The following MRPS6 variants were observed in gnomAD, a reference collection of about 807,000 sequenced individuals.
The protein encoded by MRPS6 is mitochondrial ribosomal protein S6, also known as small ribosomal subunit protein bS6m.
A neutral mutation model predicts 13.1 loss-of-function variants in MRPS6; 6 were observed. That is an observed-to-expected ratio of 0.46 (90% CI 0.25 to 0.91). MRPS6 has a LOEUF of 0.91. Among genes scored for constraint, MRPS6 ranks in the 40% least tolerant of loss-of-function variants. MRPS6 has a pLI of 0.18. For synonymous variants in MRPS6, 61 were observed against 56.5 expected (o/e 1.08, Z -0.36); for missense variants, 164 against 155.6 (o/e 1.05, Z -0.29).
At chr21:34,093,237 GA>G (rs1366905330) in intron 1 of MRPS6, among the ~76,000 whole-genome samples, 55 of 147,046 alleles carry the variant, frequency 3.7e-4, no homozygotes, top group African/African-American at 1.3e-3. Context: ...CAACTTTTAA[GA>G]TTTTTTTTTT....
chr21:34,112,116 C>G (rs1416169797), intron 1 of MRPS6, among the ~76,000 whole-genome samples: 2 of 152,118 alleles, frequency 1.3e-5, no homozygotes, highest in African/African-American at 4.8e-5. Flanking sequence ...CAGTGAAGAT[C>G]TTTTAAATTT....
At chr21:34,130,723 G>C (rs1007826205) in intron 2 of MRPS6, among the ~76,000 whole-genome samples, 1 of 152,188 alleles carries the variant, frequency 6.6e-6, no homozygotes, top group African/African-American at 2.4e-5. Flanking sequence ...TATCTGCAGT[G>C]AGAAATGCAT....
intron 1 of MRPS6, among the ~76,000 whole-genome samples, chr21:34,108,763 C>A (rs1007310476): frequency 1.3e-5 from 2 of 152,204 alleles, no homozygotes; most frequent in African/African-American, 4.8e-5. Flanking sequence ...AAAGCACTTT[C>A]CTTCAGAAAT....
At chr21:34,116,274 C>G (rs1365771190) in intron 1 of MRPS6, among the ~76,000 whole-genome samples, 1 of 148,838 alleles carries the variant, frequency 6.7e-6, no homozygotes, top group East Asian at 2.0e-4. Flanking sequence ...TCTCGAACTC[C>G]TGGGCTCAAG....
chr21:34,102,592 G>A, intron 1 of MRPS6: 2 of 1,000,084 alleles, frequency 2.0e-6, no homozygotes, highest in Non-Finnish European at 2.4e-6. Flanking sequence ...TGAGGCTATT[G>A]ACTTAAACCA....
chr21:34,093,238 AT>A (rs761174952), intron 1 of MRPS6, among the ~76,000 whole-genome samples: 3,055 of 130,032 alleles, frequency 0.023, 44 homozygotes, highest in South Asian at 0.08. Context: ...AACTTTTAAG[AT>A]TTTTTTTTTT....
At chr21:34,110,478 G>A (rs970042546) in intron 1 of MRPS6, among the ~76,000 whole-genome samples, 1 of 150,934 alleles carries the variant, frequency 6.6e-6, no homozygotes, top group Non-Finnish European at 1.5e-5. Flanking sequence ...GTGAGATCCT[G>A]TCTCATTAAA....
chr21:34,141,428 G>T (rs1026106956), intron 2 of MRPS6, among the ~76,000 whole-genome samples: 16 of 152,134 alleles, frequency 1.1e-4, no homozygotes, highest in African/African-American at 3.9e-4. Flanking sequence ...ACAGAGACAT[G>T]ATAGAAGCAA....
chr21:34,090,758 G>A (rs1978643565), intron 1 of MRPS6, among the ~76,000 whole-genome samples: 2 of 152,286 alleles, frequency 1.3e-5, no homozygotes, highest in African/African-American at 4.8e-5. Context: ...CATTTTAAAA[G>A]CCAGACAGTT....
At chr21:34,137,248 C>A (rs1200721994) in intron 2 of MRPS6, among the ~76,000 whole-genome samples, 1 of 152,056 alleles carries the variant, frequency 6.6e-6, no homozygotes, top group Non-Finnish European at 1.5e-5. Context: ...AATAATAGAT[C>A]TCAATTTTTG....
intron 1 of MRPS6, among the ~76,000 whole-genome samples, chr21:34,109,596 C>T (rs1047517680): frequency 1.3e-5 from 2 of 152,144 alleles, no homozygotes; most frequent in African/African-American, 2.4e-5. Flanking sequence ...GAGTATAAAC[C>T]TTCAAATATG....
intron 1 of MRPS6, among the ~76,000 whole-genome samples, chr21:34,082,224 T>G (rs1042947916): frequency 1.2e-4 from 18 of 152,222 alleles, no homozygotes; most frequent in African/African-American, 4.3e-4. Context: ...GCCCACCTTG[T>G]TAATTGGTCA....
chr21:34,086,520 TG>T (rs869224261), intron 1 of MRPS6, among the ~76,000 whole-genome samples: 3 of 7,550 alleles, frequency 4.0e-4, no homozygotes, highest in African/African-American at 5.0e-4. Flanking sequence ...TTTGTGTTTG[TG>T]TGTGTGTGTG....
intron 1 of MRPS6, chr21:34,124,102 C>T (rs555269801): frequency 6.6e-6 from 1 of 152,280 alleles, no homozygotes; most frequent in Non-Finnish European, 1.5e-5. Context: ...GTGCAGGTGA[C>T]TATGAAATGT....
intron 2 of MRPS6, among the ~76,000 whole-genome samples, chr21:34,134,126 C>G (rs932889215): frequency 5.9e-5 from 9 of 152,234 alleles, no homozygotes; most frequent in African/African-American, 2.2e-4. Context: ...GAGCCTAACT[C>G]AAAGTAAGTA....
At chr21:34,088,435 A>G (rs1978510137) in intron 1 of MRPS6, among the ~76,000 whole-genome samples, 2 of 152,364 alleles carry the variant, frequency 1.3e-5, no homozygotes, top group South Asian at 2.1e-4. Flanking sequence ...CATTTTATCC[A>G]TACACATCCA....
At chr21:34,093,489 T>A (rs564839478) in intron 1 of MRPS6, among the ~76,000 whole-genome samples, 24 of 152,300 alleles carry the variant, frequency 1.6e-4, no homozygotes, top group Admixed American at 6.5e-4. Flanking sequence ...AGAAGTGTGT[T>A]GTAAAGTTTC....
In MRPS6 at chr21:34,103,843, G is replaced by T. The variant is rs562619832; in HGVS notation, c.46-21498G>T. ...AAGAATGCCAAAATTATATTTGGGGGTTACTAGCTAAAATGGGGTTTGAGG... is the reference window on the plus strand; with the variant it reads ...AAGAATGCCAAAATTATATTTGGGGTTTACTAGCTAAAATGGGGTTTGAGG... On this transcript the variant is annotated intron_variant, in intron 1 of 2. Coordinates refer to ENST00000399312, the MANE Select transcript of MRPS6 (RefSeq NM_032476.4). 31 of 1,000,102 alleles carry T rather than the reference G, an allele frequency of 3.1e-5. No individual in the cohort carries two copies. The African/African-American group carries it at 4.9e-4, about 16-fold the overall frequency. 62.0% of individuals were successfully genotyped at this position (1,000,102 alleles called of 1,614,324 possible).
Position 34,074,370 on chromosome 21 carries a change from A to G in MRPS6, c.45+625A>G, listed in dbSNP as rs201602090. ...GACTTTTCTTTTTCTGACTTCAGCG[A>G]AAATCCCGCTCCGGGTGCCCTTAGC... On this transcript the variant is annotated intron_variant, in intron 1 of 2. Coordinates refer to ENST00000399312, the MANE Select transcript of MRPS6 (RefSeq NM_032476.4). Among the ~76,000 whole-genome samples the G allele has an allele frequency of 7.9e-5, 12 of 152,338 alleles. No individual in the cohort carries two copies. In the East Asian group the frequency reaches 2.1e-3, roughly 27 times the overall value.
Sources: gnomAD v4.1 joint callset for allele counts (sites outside exome capture counted in the v4.1 genomes callset) on GRCh38, gnomAD v4.1.1 for gene constraint, MANE v1.5 for transcripts, NCBI Gene and HGNC (gene_info 2026-07-23, HGNC 2026-07-21) for gene names.